Variants in GFRA1 observed in about 807,000 individuals in gnomAD.
GFRA1 encodes GDNF family receptor alpha 1.
Under a neutral mutation model 51.6 loss-of-function variants are expected in GFRA1, and 16 were observed. That is an observed-to-expected ratio of 0.31 (90% CI 0.21 to 0.47). The LOEUF (loss-of-function observed/expected upper bound fraction) is 0.47. GFRA1 is among the 20% of genes least tolerant of loss of function. The pLI is 1.00. For missense variants in GFRA1, 530 were observed against 594.3 expected, an observed-to-expected ratio of 0.89 and a Z score of 1.13; for synonymous variants, 270 against 241.3, an observed-to-expected ratio of 1.12 and a Z score of -1.10.
chr10:116,193,501 T>G (rs1055926577), intron 5 of GFRA1, among the ~76,000 whole-genome samples: 2 of 152,124 alleles, frequency 1.3e-5, no homozygotes, highest in African/African-American at 4.8e-5. Context: ...CACTAATCCC[T>G]CACCATCAAT....
intron 5 of GFRA1, among the ~76,000 whole-genome samples, chr10:116,133,071 T>C (rs998243370): frequency 1.3e-5 from 2 of 152,048 alleles, no homozygotes; most frequent in African/African-American, 2.4e-5. Flanking sequence ...TATTCATTCT[T>C]TAACTTGGTA....
chr10:116,210,828 C>G (rs1965136703), intron 5 of GFRA1, among the ~76,000 whole-genome samples: 1 of 152,132 alleles, frequency 6.6e-6, no homozygotes, highest in Admixed American at 6.5e-5. Context: ...CAGATGTGTG[C>G]TACCAACATA....
chr10:116,234,024 G>A (rs923823565), intron 4 of GFRA1, among the ~76,000 whole-genome samples: 2 of 152,140 alleles, frequency 1.3e-5, no homozygotes, highest in Non-Finnish European at 2.9e-5. Flanking sequence ...TGGGTTGAAT[G>A]AGCATTTCAA....
intron 4 of GFRA1, among the ~76,000 whole-genome samples, chr10:116,240,669 ACT>A (rs1810627833): frequency 6.6e-6 from 1 of 152,134 alleles, no homozygotes; most frequent in Admixed American, 6.5e-5. Flanking sequence ...ATCACAGTTA[ACT>A]CTCTAACCCA....
intron 5 of GFRA1, among the ~76,000 whole-genome samples, chr10:116,162,576 C>G (rs561944281): frequency 6.6e-6 from 1 of 152,138 alleles, no homozygotes; most frequent in Admixed American, 6.5e-5. Flanking sequence ...TGCACAGGGA[C>G]GCGTGTGCAC....
At chr10:116,147,860 C>G (rs1237496107) in intron 5 of GFRA1, among the ~76,000 whole-genome samples, 1 of 152,042 alleles carries the variant, frequency 6.6e-6, no homozygotes. Context: ...CAGATATCCG[C>G]TTCCGGGGGA....
chr10:116,059,306 C>G lies in GFRA1; in HGVS notation c.*5092G>C, dbSNP rs1954689682. 1 of 152,244 alleles carries G rather than the reference C, an allele frequency of 6.6e-6. No individual in the cohort carries two copies. Among genetic ancestry groups the G allele is most frequent in the Non-Finnish European group, 1.5e-5 (1 of 68,066 alleles). The allele number at this position is 152,244 out of a possible 1,614,324, so 9.4% of individuals were successfully genotyped here. A position where few individuals can be genotyped will look rare whatever the true frequency, so the allele number is the denominator to read the frequency against. ...AAACTAAGTAAGAGTCTAAAGATCT[C>G]TGGCCAGTCTCCTGGCGCCCTACAG... On this transcript the variant is annotated 3_prime_UTR_variant, in exon 11 of 11. Coordinates refer to ENST00000355422, the MANE Select transcript of GFRA1 (RefSeq NM_005264.8).
intron 4 of GFRA1, among the ~76,000 whole-genome samples, chr10:116,253,350 G>A (rs936319713): frequency 2.0e-5 from 3 of 152,174 alleles, no homozygotes; most frequent in Admixed American, 6.5e-5. Context: ...GCTCATGCCT[G>A]TAAACCCAGC....
rs925830864 is a variant in GFRA1 at position 116,224,043 on chromosome 10, A to G, written c.419-12398T>C. On this transcript the variant is annotated intron_variant, in intron 4 of 10. Coordinates refer to ENST00000355422, the MANE Select transcript of GFRA1 (RefSeq NM_005264.8). Reference sequence around the variant, plus strand: ...GGAAACAGAGCATCGCTCACTAGGCAATCGAACCTGCTGGCTCCTCAATCT... The same window carrying G: ...GGAAACAGAGCATCGCTCACTAGGCGATCGAACCTGCTGGCTCCTCAATCT... 4.6e-5 allele frequency among the ~76,000 whole-genome samples: 7 copies of G among 152,306 alleles called. No individual in the cohort carries two copies. The East Asian group carries it at 9.7e-4, about 21-fold the overall frequency.
chr10:116,267,940 AACACAC>A (rs58079628), intron 4 of GFRA1, among the ~76,000 whole-genome samples: 3,878 of 146,258 alleles, frequency 0.027, 69 homozygotes, highest in African/African-American at 0.046. Context: ...CTGACAGACT[AACACAC>A]ACACACACAC....
At chr10:116,073,349 C>T (rs1392522085) in intron 9 of GFRA1, among the ~76,000 whole-genome samples, 1 of 152,160 alleles carries the variant, frequency 6.6e-6, no homozygotes, top group Non-Finnish European at 1.5e-5. Context: ...ATCTTTTTTG[C>T]TTTTCCCCAC....
intron 4 of GFRA1, among the ~76,000 whole-genome samples, chr10:116,237,959 A>C (rs1223443672): frequency 6.6e-6 from 1 of 152,198 alleles, no homozygotes; most frequent in African/African-American, 2.4e-5. Context: ...AGCGCTGATT[A>C]GACAGCCAAC....
chr10:116,172,067 A>T (rs1005417702), intron 5 of GFRA1, among the ~76,000 whole-genome samples: 6 of 152,096 alleles, frequency 3.9e-5, no homozygotes, highest in Admixed American at 2.0e-4. Context: ...CACGGTGTTT[A>T]CCCTCAGCCC....
chr10:116,271,284 CCCTGGAATT>C (rs1843912850), intron 2 of GFRA1, among the ~76,000 whole-genome samples, 169 bp from the exon 3 acceptor site: 2 of 152,256 alleles, frequency 1.3e-5, no homozygotes, highest in Admixed American at 1.3e-4. Flanking sequence ...TTTTCCCGCC[CCCTGGAATT>C]CCAGCTCCTC....
At chr10:116,138,624 A>C (rs1405616888) in intron 5 of GFRA1, among the ~76,000 whole-genome samples, 1 of 151,644 alleles carries the variant, frequency 6.6e-6, no homozygotes, top group African/African-American at 2.4e-5. Flanking sequence ...AAACAAAGCA[A>C]GATGGTAGGA....
chr10:116,083,746 G>T (rs929074762), intron 9 of GFRA1, among the ~76,000 whole-genome samples: 10 of 152,178 alleles, frequency 6.6e-5, no homozygotes, highest in African/African-American at 2.4e-4. Context: ...TTTCTGGTCT[G>T]GTCTGGCCCC....
intron 5 of GFRA1, among the ~76,000 whole-genome samples, chr10:116,158,747 A>C (rs1357765263): frequency 6.6e-6 from 1 of 152,214 alleles, no homozygotes; most frequent in Non-Finnish European, 1.5e-5. Flanking sequence ...CACAGTGGGC[A>C]AAACAATGAG....
At chr10:116,138,907 A>T (rs1345276153) in intron 5 of GFRA1, among the ~76,000 whole-genome samples, 1 of 152,224 alleles carries the variant, frequency 6.6e-6, no homozygotes, top group Non-Finnish European at 1.5e-5. Flanking sequence ...GACACCAGTT[A>T]GCTGAAGAAT....
chr10:116,273,646 ACTCT>A (rs1158805358), upstream of GFRA1, among the ~76,000 whole-genome samples: 1 of 14,394 alleles, frequency 6.9e-5, no homozygotes, highest in South Asian at 7.0e-3. Context: ...AGACACACAC[ACTCT>A]CTCTCTCTCT....
Sources: gnomAD v4.1 joint callset for allele counts (sites outside exome capture counted in the v4.1 genomes callset) on GRCh38, gnomAD v4.1.1 for gene constraint, MANE v1.5 for transcripts, NCBI Gene and HGNC (gene_info 2026-07-23, HGNC 2026-07-21) for gene names.